The following KANTR variants were observed in gnomAD, a reference collection of about 807,000 sequenced individuals.
The protein encoded by KANTR is KANTR integral membrane protein, also known as KDM5C adjacent transcript.
exon 3 of KANTR, chrX:53,142,500 G>C: frequency 4.5e-6 from 1 of 220,861 alleles, no homozygotes; most frequent in Non-Finnish European, 8.4e-6. Context: ...ATTTTTAGTA[G>C]AGACGGGGTT....
At chrX:53,103,071 G>T (rs946219802) in intron 2 of KANTR, among the ~76,000 whole-genome samples, 1 of 102,202 alleles carries the variant, frequency 9.8e-6, no homozygotes, top group African/African-American at 3.6e-5. Context: ...TGCAGCCTCC[G>T]CCTCCTGGGT....
intron 1 of KANTR, among the ~76,000 whole-genome samples, chrX:53,097,426 C>T (rs1556811093): frequency 2.2e-5 from 2 of 89,452 alleles, no homozygotes; most frequent in Non-Finnish European, 4.2e-5. Flanking sequence ...AGTCTTGGCT[C>T]ACTGAAGCCT....
downstream of KANTR, among the ~76,000 whole-genome samples, chrX:53,131,000 A>G (rs1269508299): frequency 9.0e-6 from 1 of 111,444 alleles, no homozygotes; most frequent in Non-Finnish European, 1.9e-5. Context: ...TAAGCAGTTA[A>G]TAATGCTTTT....
chrX:53,098,050 C>CAA (rs782145330), intron 1 of KANTR, among the ~76,000 whole-genome samples: 115 of 44,080 alleles, frequency 2.6e-3, no homozygotes, highest in African/African-American at 5.6e-3. Context: ...GACTCTGTCT[C>CAA]AAAAAAAAAA....
At chrX:53,097,622 G>C (rs1932855732) in intron 1 of KANTR, among the ~76,000 whole-genome samples, 1 of 105,294 alleles carries the variant, frequency 9.5e-6, no homozygotes, top group Non-Finnish European at 1.9e-5. Context: ...CAAAGTGCTG[G>C]GATTACAGGT....
rs1265324366 is a variant in KANTR at position 53,136,355 on chromosome X, C to CA, written n.204-5492dup. ...CTGGGTTCAAGCGGTTCTCCTGCCT[C>CA]AGCCTCCCGAGTAGCTAGGACTACA... On this transcript the variant is annotated intron_variant and non_coding_transcript_variant, in intron 2 of 2. Coordinates refer to the KANTR transcript ENST00000366185. Among the ~76,000 whole-genome samples the CA allele has an allele frequency of 5.5e-5, 6 of 109,003 alleles. No individual in the cohort carries two copies. In the East Asian group the frequency reaches 1.8e-3, roughly 32 times the overall value. 94.7% of individuals were successfully genotyped at this position (109,003 alleles called of 115,157 possible). A position where few individuals can be genotyped will look rare whatever the true frequency, so the allele number is the denominator to read the frequency against.
intron 2 of KANTR, among the ~76,000 whole-genome samples, chrX:53,116,699 T>G (rs1933129165): frequency 8.9e-6 from 1 of 111,895 alleles, no homozygotes; most frequent in Non-Finnish European, 1.9e-5. Flanking sequence ...ATTCTGTGGC[T>G]TTGGTTAATT....
chrX:53,115,387 C>CG (rs782581920), intron 2 of KANTR, among the ~76,000 whole-genome samples: 4 of 110,258 alleles, frequency 3.6e-5, no homozygotes, highest in African/African-American at 6.6e-5. Flanking sequence ...AACCTGGGGC[C>CG]GGGGGGGCCA....
At chrX:53,138,876 A>G (rs1556818034) in intron 2 of KANTR, among the ~76,000 whole-genome samples, 1 of 110,774 alleles carries the variant, frequency 9.0e-6, no homozygotes, top group East Asian at 2.8e-4. Context: ...GGCTCATGAC[A>G]GAGAACAATA....
intron 2 of KANTR, among the ~76,000 whole-genome samples, chrX:53,136,721 TA>T (rs1933429083): frequency 4.2e-5 from 2 of 47,316 alleles, no homozygotes; most frequent in African/African-American, 1.1e-4. Context: ...TATATATATA[TA>T]TATATATATT....
At chrX:53,099,341 C>G (rs1435898657) in intron 1 of KANTR, 131 bp from the exon 2 acceptor site, 1 of 111,226 alleles carries the variant, frequency 9.0e-6, no homozygotes, top group Non-Finnish European at 1.9e-5. Context: ...CCACTGCACT[C>G]CAGCCTGAGC....
chrX:53,134,376 A>T lies in KANTR; in HGVS notation n.204-7472A>T, dbSNP rs1018031956. 2.3e-4 allele frequency among the ~76,000 whole-genome samples: 25 copies of T among 109,992 alleles called. 1 individual carries two copies. Among genetic ancestry groups the T allele is most frequent in the East Asian group, 8.5e-4 (3 of 3,544 alleles). ...AAACTCTGTCTCAAAAAAAAAAAAA[A>T]TTTTTCCGCAAAAATCGAGGAAATG... On this transcript the variant is annotated intron_variant and non_coding_transcript_variant, in intron 2 of 2. Transcript: ENST00000366185.
chrX:53,109,539 C>T (rs921153703), intron 2 of KANTR, among the ~76,000 whole-genome samples: 2 of 112,484 alleles, frequency 1.8e-5, no homozygotes, highest in Non-Finnish European at 3.8e-5. Context: ...CCGCCTCGGC[C>T]TCCCAAAGTG....
chrX:53,125,404 T>C (rs1933281421), exon 3 of KANTR: 1 of 111,843 alleles, frequency 8.9e-6, no homozygotes, highest in Non-Finnish European at 1.9e-5. Flanking sequence ...GTGATGTATT[T>C]GGGCTTGTTT....
chrX:53,131,364 A>C (rs1933359757), downstream of KANTR, among the ~76,000 whole-genome samples: 1 of 111,681 alleles, frequency 9.0e-6, no homozygotes, highest in Non-Finnish European at 1.9e-5. Flanking sequence ...CAAAAATTAT[A>C]AACAAAACTT....
chrX:53,129,231 CTA>C (rs1569239763), downstream of KANTR, among the ~76,000 whole-genome samples: 1 of 32,352 alleles, frequency 3.1e-5, no homozygotes, highest in African/African-American at 7.3e-5. Flanking sequence ...CCATGCCTGG[CTA>C]TTTGTGTGTG....
intron 2 of KANTR, among the ~76,000 whole-genome samples, chrX:53,114,036 C>T (rs1356223872): frequency 9.0e-6 from 1 of 110,500 alleles, no homozygotes; most frequent in Non-Finnish European, 1.9e-5. Context: ...GTAACTGGGA[C>T]CACAGACATG....
intron 2 of KANTR, among the ~76,000 whole-genome samples, chrX:53,107,302 C>CTTTTTTTTTTTT (rs139264757): frequency 8.3e-4 from 51 of 61,637 alleles, no homozygotes; most frequent in Non-Finnish European, 1.0e-3. Flanking sequence ...ATCCTCTTTG[C>CTTTTTTTTTTTT]TTTTTTTTTT....
intron 2 of KANTR, among the ~76,000 whole-genome samples, chrX:53,100,278 C>G (rs892417232): frequency 9.6e-6 from 1 of 104,711 alleles, no homozygotes; most frequent in Non-Finnish European, 1.9e-5. Flanking sequence ...GTTGGGAGTT[C>G]GAGACCAGGC....
Sources: gnomAD v4.1 joint callset for allele counts (sites outside exome capture counted in the v4.1 genomes callset) on GRCh38, gnomAD v4.1.1 for gene constraint, MANE v1.5 for transcripts, NCBI Gene and HGNC (gene_info 2026-07-23, HGNC 2026-07-21) for gene names.